CFAP70: variants seen among roughly 807,000 people sequenced by gnomAD.
The protein encoded by CFAP70 is cilia and flagella associated protein 70, also known as cilia- and flagella-associated protein 70.
In CFAP70, 81 loss-of-function variants were observed where a neutral mutation model predicts 137.6. The ratio of observed to expected loss-of-function variants is 0.59; its 90% CI spans 0.49 to 0.71. The LOEUF is 0.71. Among genes scored for constraint, CFAP70 ranks in the 30% least tolerant of loss-of-function variants. CFAP70 has a pLI of 0.00. For missense variants in CFAP70, 976 were observed against 1,226.7 expected, an observed-to-expected ratio of 0.80 and a Z score of 3.05; for synonymous variants, 382 against 423.6, an observed-to-expected ratio of 0.90 and a Z score of 1.20.
chr10:73,255,238 T>A (rs931843637), intron 26 of CFAP70, among the ~76,000 whole-genome samples: 4 of 152,090 alleles, frequency 2.6e-5, no homozygotes, highest in Admixed American at 2.6e-4. Context: ...CTACTAAAAA[T>A]ACAAAAAATT....
chr10:73,264,556 A>G (rs761384390), intron 25 of CFAP70, among the ~76,000 whole-genome samples: 3 of 152,194 alleles, frequency 2.0e-5, no homozygotes, highest in East Asian at 3.8e-4. Context: ...TGTGACTCCC[A>G]TTATCCACAA....
intron 19 of CFAP70, among the ~76,000 whole-genome samples, chr10:73,289,296 T>TA (rs992175334): frequency 3.3e-5 from 5 of 151,606 alleles, no homozygotes; most frequent in African/African-American, 1.2e-4. Flanking sequence ...TTATTATTAT[T>TA]TTTTTTTGAG....
At chr10:73,338,156 T>C (rs1171637951) in intron 6 of CFAP70, among the ~76,000 whole-genome samples, 1 of 151,146 alleles carries the variant, frequency 6.6e-6, no homozygotes, top group African/African-American at 2.4e-5. Context: ...TTTTTTTTTT[T>C]TTTTTTGAGA....
chr10:73,354,554 T>C (rs1286380863), intron 2 of CFAP70, among the ~76,000 whole-genome samples, 180 bp downstream of exon 2: 1 of 152,134 alleles, frequency 6.6e-6, no homozygotes, highest in Non-Finnish European at 1.5e-5. Flanking sequence ...AATTGCCGGG[T>C]ATTTGAGACA....
chr10:73,266,806 G>C (rs2045817847), intron 25 of CFAP70, among the ~76,000 whole-genome samples: 3 of 152,190 alleles, frequency 2.0e-5, no homozygotes, highest in South Asian at 4.1e-4. Flanking sequence ...CAAGAGGTTT[G>C]TCTGTTCACT....
intron 15 of CFAP70, chr10:73,295,557 G>A (rs1319663228): frequency 1.3e-5 from 2 of 152,136 alleles, no homozygotes; most frequent in Non-Finnish European, 2.9e-5. Flanking sequence ...ATATTGCTAT[G>A]TAAAGGTTAA....
intron 8 of CFAP70, among the ~76,000 whole-genome samples, chr10:73,325,481 T>A (rs2132242536): frequency 6.6e-6 from 1 of 152,250 alleles, no homozygotes; most frequent in East Asian, 1.9e-4. Flanking sequence ...AGTTCACACA[T>A]AACAATATTA....
intron 12 of CFAP70, among the ~76,000 whole-genome samples, chr10:73,304,798 C>T (rs1050193308): frequency 9.3e-5 from 14 of 150,936 alleles, no homozygotes; most frequent in Non-Finnish European, 1.8e-4. Flanking sequence ...TAGATGTCAG[C>T]AAAACGACCG....
chr10:73,256,289 C>T (rs2044482876), intron 26 of CFAP70, 80 bp downstream of exon 27: 1 of 1,499,140 alleles, frequency 6.7e-7, no homozygotes, highest in African/African-American at 1.4e-5. Flanking sequence ...TATGAAAGTC[C>T]TGAATTAAGC....
At chr10:73,332,994 T>A (rs2052277133) in intron 7 of CFAP70, among the ~76,000 whole-genome samples, 1 of 152,126 alleles carries the variant, frequency 6.6e-6, no homozygotes, top group Non-Finnish European at 1.5e-5. Context: ...AAAGTAACTA[T>A]AATTATGTTA....
chr10:73,274,874 A>G (rs2046581765), intron 22 of CFAP70: 1 of 335,412 alleles, frequency 3.0e-6, no homozygotes. Context: ...GCATAACCCC[A>G]ATACTGTTCA....
intron 19 of CFAP70, among the ~76,000 whole-genome samples, chr10:73,289,756 T>C (rs896590172): frequency 3.3e-5 from 5 of 151,624 alleles, no homozygotes; most frequent in African/African-American, 1.2e-4. Flanking sequence ...ATATTAAAAA[T>C]AACAAGAGGC....
At chr10:73,321,311 G>A (rs1456066964) in intron 9 of CFAP70, among the ~76,000 whole-genome samples, 1 of 152,084 alleles carries the variant, frequency 6.6e-6, no homozygotes, top group Non-Finnish European at 1.5e-5. Context: ...CCAGCTACTT[G>A]GGAAGCTGAG....
At position 73,259,145 on chromosome 10, in the gene CFAP70, T is replaced by C. The variant is rs192650058; in HGVS notation, c.3028-2729A>G. Among the ~76,000 whole-genome samples, 7 of 152,318 alleles carry C rather than the reference T, an allele frequency of 4.6e-5. No individual in the cohort carries two copies. The East Asian group carries it at 1.4e-3, about 29-fold the overall frequency. ...CATCACGGAACCTGCCGATGTGTGA[T>C]GTCTCCCCTGGACACCCAGATTTAA... On this transcript the variant is annotated intron_variant, in intron 25 of 26. Coordinates refer to ENST00000310715, the Ensembl canonical transcript of CFAP70.
rs116689014 is a variant in CFAP70 at position 73,330,825 on chromosome 10, T to C, written c.777+352A>G. Among the ~76,000 whole-genome samples, 273 of 152,318 alleles carry C rather than the reference T, an allele frequency of 1.8e-3. 2 individuals are homozygous for C. The highest frequency in any genetic ancestry group is 6.2e-3 in the African/African-American group (258 of 41,568). ...AGTATATCTAAGATCCCTATTACAC[T>C]AATTAGCAGGCTAAAACATTTTAAG... is the stretch of plus-strand genomic sequence containing the variant. On this transcript the variant is annotated intron_variant, in intron 8 of 26. Coordinates refer to ENST00000310715, the Ensembl canonical transcript of CFAP70.
chr10:73,277,711 C>CA (rs34507972), intron 20 of CFAP70, among the ~76,000 whole-genome samples: 15,534 of 133,900 alleles, frequency 0.12, 1,154 homozygotes, highest in East Asian at 0.32. Flanking sequence ...GACTCCATCT[C>CA]AAAAAAAAAA....
intron 9 of CFAP70, among the ~76,000 whole-genome samples, chr10:73,315,903 A>C (rs1681123112): frequency 6.6e-6 from 1 of 152,204 alleles, no homozygotes; most frequent in Admixed American, 6.5e-5. Context: ...TATTGAGAGT[A>C]GGATACTGAA....
At chr10:73,269,739 G>A (rs753453941) in intron 24 of CFAP70, 24 bp from the exon 26 acceptor site, 3 of 1,504,276 alleles carry the variant, frequency 2.0e-6, no homozygotes, top group Non-Finnish European at 2.8e-6. Flanking sequence ...TGAGACATGT[G>A]AGTTAGCTTA....
chr10:73,355,176 G>A (rs2132564234), intron 1 of CFAP70, among the ~76,000 whole-genome samples: 1 of 152,244 alleles, frequency 6.6e-6, no homozygotes, highest in African/African-American at 2.4e-5. Context: ...GTCAGGAACT[G>A]GGCTGTACAG....
Sources: allele counts gnomAD v4.1 joint callset (sites outside exome capture counted in the v4.1 genomes callset), GRCh38; gene constraint gnomAD v4.1.1; transcripts MANE v1.5; gene names NCBI Gene and HGNC (gene_info 2026-07-23, HGNC 2026-07-21).